EDA: variants seen among roughly 807,000 people sequenced by gnomAD.
The protein encoded by EDA is ectodysplasin A.
A neutral mutation model predicts 23.6 loss-of-function variants in EDA; 2 were observed. The ratio of observed to expected loss-of-function variants is 0.08; its 90% CI spans 0.03 to 0.27. The LOEUF (loss-of-function observed/expected upper bound fraction) is 0.27, where lower values mean the gene tolerates loss of function less well. Ranked by LOEUF, EDA falls within the 10% of genes least tolerant of loss-of-function variation. The pLI is 1.00. For synonymous variants in EDA, 131 were observed against 132.0 expected, an observed-to-expected ratio of 0.99 and a Z score of 0.05; for missense variants, 229 against 324.2, an observed-to-expected ratio of 0.71 and a Z score of 2.26.
At chrX:69,751,131 T>G (rs767558068) in intron 1 of EDA, among the ~76,000 whole-genome samples, 132 of 109,498 alleles carry the variant, frequency 1.2e-3, no homozygotes, top group African/African-American at 4.0e-3. Context: ...TTGCCTAGGT[T>G]TTCTTCTAGG....
In EDA at chrX:69,906,758, C is replaced by T. The variant is rs750755730; in HGVS notation, c.397-50269C>T. Among the ~76,000 whole-genome samples, 14 of 111,399 alleles carry T rather than the reference C, an allele frequency of 1.3e-4. No homozygotes were observed. In the South Asian group the frequency reaches 3.0e-3, roughly 24 times the overall value. ...GTGCACGCACACACACATACACGCACGCACACACATACACACCCCTACAGG... is the reference window on the plus strand; with the variant it reads ...GTGCACGCACACACACATACACGCATGCACACACATACACACCCCTACAGG... On this transcript the variant is annotated intron_variant, in intron 1 of 7. Transcript: ENST00000374552.
chrX:69,920,854 A>G lies in EDA; in HGVS notation c.397-36173A>G, dbSNP rs1178222004. Among the ~76,000 whole-genome samples the G allele has an allele frequency of 2.7e-5, 3 of 111,746 alleles. No individual in the cohort carries two copies. In the East Asian group the frequency reaches 8.4e-4, roughly 31 times the overall value. On this transcript the variant is annotated intron_variant, in intron 1 of 7. Transcript: ENST00000374552. ...GAAATCATTATGAACAGCCCATGCT[A>G]AAGGAATGAGGAATTAGGCTCCACC...
At chrX:69,677,032 T>C (rs1307122267) in intron 1 of EDA, among the ~76,000 whole-genome samples, 1 of 89,965 alleles carries the variant, frequency 1.1e-5, no homozygotes, top group South Asian at 6.7e-4. Context: ...CCTGTGTCCA[T>C]GTGTTCTCAT....
chrX:69,768,767 G>C (rs2804314), intron 1 of EDA, among the ~76,000 whole-genome samples: 36,634 of 110,213 alleles, frequency 0.33, 5,082 homozygotes, highest in Middle Eastern at 0.55. Flanking sequence ...TCTTCTACTA[G>C]TTATTTAATG....
intron 1 of EDA, among the ~76,000 whole-genome samples, chrX:69,939,250 T>C (rs2018721318): frequency 8.9e-6 from 1 of 112,111 alleles, no homozygotes; most frequent in African/African-American, 3.2e-5. Flanking sequence ...CCATTTTTTG[T>C]GTGTCCTCTT....
intron 1 of EDA, among the ~76,000 whole-genome samples, chrX:69,907,202 C>A (rs1351652157): frequency 9.0e-6 from 1 of 111,391 alleles, no homozygotes; most frequent in Non-Finnish European, 1.9e-5. Context: ...TGATATACTA[C>A]ATTTTTTTAA....
intron 1 of EDA, among the ~76,000 whole-genome samples, chrX:69,683,139 A>G (rs1210453714): frequency 9.0e-6 from 1 of 111,366 alleles, no homozygotes; most frequent in East Asian, 2.8e-4. Flanking sequence ...TATTTAAAAC[A>G]CAAAAACAGT....
chrX:69,945,087 C>A (rs1238729736), intron 1 of EDA, among the ~76,000 whole-genome samples: 1 of 112,275 alleles, frequency 8.9e-6, no homozygotes, highest in Non-Finnish European at 1.9e-5. Context: ...ACTGTCTTTC[C>A]TACCCTCTTC....
intron 1 of EDA, among the ~76,000 whole-genome samples, chrX:69,892,068 G>A (rs1282991734): frequency 1.8e-5 from 2 of 111,755 alleles, no homozygotes; most frequent in Non-Finnish European, 3.8e-5. Context: ...AGCTTAGTAC[G>A]ATACTGTTGA....
chrX:69,883,041 G>A (rs1413162936), intron 1 of EDA, among the ~76,000 whole-genome samples: 4 of 112,205 alleles, frequency 3.6e-5, no homozygotes, highest in Non-Finnish European at 5.6e-5. Context: ...AATATAAAAT[G>A]TGATGCTGTT....
At chrX:69,764,662 A>T (rs1232706910) in intron 1 of EDA, among the ~76,000 whole-genome samples, 1 of 111,748 alleles carries the variant, frequency 8.9e-6, no homozygotes, top group African/African-American at 3.3e-5. Flanking sequence ...TTTTTGAAAA[A>T]TATTTCCTAC....
At chrX:69,982,054 T>C (rs993084876) in intron 2 of EDA, among the ~76,000 whole-genome samples, 3 of 111,319 alleles carry the variant, frequency 2.7e-5, no homozygotes, top group African/African-American at 9.8e-5. Flanking sequence ...AGATAGGACT[T>C]GTCAAGTGGA....
intron 1 of EDA, among the ~76,000 whole-genome samples, chrX:69,627,863 A>G (rs1192215843): frequency 9.0e-6 from 1 of 111,534 alleles, no homozygotes; most frequent in Admixed American, 9.5e-5. Flanking sequence ...CCTCAGCCAG[A>G]TGATAGTGCT....
At chrX:69,749,471 G>T (rs2013740581) in intron 1 of EDA, among the ~76,000 whole-genome samples, 1 of 106,497 alleles carries the variant, frequency 9.4e-6, no homozygotes, top group African/African-American at 3.4e-5. Context: ...GGATGGCTGG[G>T]TCAAATGGTA....
intron 1 of EDA, among the ~76,000 whole-genome samples, chrX:69,882,486 G>C (rs1280166771): frequency 8.9e-6 from 1 of 111,742 alleles, no homozygotes; most frequent in East Asian, 2.8e-4. Flanking sequence ...CTAAGAAGGT[G>C]CAAGTCAGGT....
At chrX:69,805,503 T>C (rs2015793550) in intron 1 of EDA, among the ~76,000 whole-genome samples, 2 of 112,074 alleles carry the variant, frequency 1.8e-5, no homozygotes, top group South Asian at 7.5e-4. Flanking sequence ...ATATATCTTT[T>C]TTAGTTTTAT....
intron 2 of EDA, among the ~76,000 whole-genome samples, chrX:70,006,934 T>C (rs1239765959): frequency 9.0e-6 from 1 of 111,631 alleles, no homozygotes; most frequent in Non-Finnish European, 1.9e-5. Context: ...CCATTTTGAG[T>C]TAATTTTTGT....
intron 2 of EDA, among the ~76,000 whole-genome samples, chrX:70,019,457 C>T (rs184604345): frequency 2.1e-4 from 23 of 111,903 alleles, no homozygotes; most frequent in East Asian, 1.4e-3. Context: ...TGACCATCAA[C>T]GGTAGACTGG....
At chrX:69,877,518 T>C (rs189056096) in intron 1 of EDA, among the ~76,000 whole-genome samples, 27 of 112,399 alleles carry the variant, frequency 2.4e-4, no homozygotes, top group African/African-American at 8.1e-4. Flanking sequence ...TTACCCATTT[T>C]TTCTTTTTTT....
Sources: allele counts gnomAD v4.1 joint callset (sites outside exome capture counted in the v4.1 genomes callset), GRCh38; gene constraint gnomAD v4.1.1; transcripts MANE v1.5; gene names NCBI Gene and HGNC (gene_info 2026-07-23, HGNC 2026-07-21).